Variants in ZNF653 observed in about 807,000 individuals in gnomAD.
ZNF653 encodes 67 kDa zinc finger protein.
ZNF653 carries 37 observed loss-of-function variants against 59.9 expected under a neutral mutation model. That is an observed-to-expected ratio of 0.62 (90% CI 0.48 to 0.81). The LOEUF (loss-of-function observed/expected upper bound fraction) is 0.81. ZNF653 is among the 40% of genes least tolerant of loss of function. The pLI, the probability that ZNF653 is intolerant of heterozygous loss-of-function variation, is 0.00. For synonymous variants in ZNF653, 435 were observed against 371.8 expected (o/e 1.17, Z -1.96); for missense variants, 808 against 881.1 (o/e 0.92, Z 1.05).
intron 7 of ZNF653, 124 bp downstream of exon 7, chr19:11,485,532 C>T (rs1971456451): frequency 1.5e-6 from 1 of 687,550 alleles, no homozygotes; most frequent in Admixed American, 2.4e-5. Flanking sequence ...GAGGAGGCTC[C>T]TAGGGGTGTA....
intron 6 of ZNF653, 106 bp from the exon 7 acceptor site, chr19:11,485,876 C>A (rs1365557923): frequency 4.8e-6 from 4 of 834,846 alleles, no homozygotes; most frequent in Non-Finnish European, 8.2e-6. Context: ...CTGGCCTCCC[C>A]AGGAGGAGGG....
Position 11,505,718 on chromosome 19 carries a change from T to G in ZNF653, c.69A>C (p.Ala23=). 2.0e-6 allele frequency: 3 copies of G among 1,475,496 alleles called. No individual in the cohort carries two copies. The highest frequency in any genetic ancestry group is 2.5e-5 in the Admixed American group (1 of 40,394). 91.4% of individuals were successfully genotyped at this position (1,475,496 alleles called of 1,614,324 possible). A position where few individuals can be genotyped will look rare whatever the true frequency, so the allele number is the denominator to read the frequency against. ...TTCGGCCCGCTGCGCCCTCCTCGGC[T>G]GCTGCCTCCCCGCCCGCGCCCGCCT... The part of the protein sequence containing the change: ...EAEAGAGGEA[A]AEEGAAGRKA... The change falls in exon 1 of 9, where the codon GCA becomes GCC. Residue 23 remains alanine (A), a synonymous_variant. Transcript: ENST00000293771.
chr19:11,505,380 G>C (rs748550099), intron 1 of ZNF653, 108 bp downstream of exon 1: 20 of 1,182,128 alleles, frequency 1.7e-5, no homozygotes, highest in Non-Finnish European at 2.2e-5. Context: ...TCCTGGGCGG[G>C]GTCCGCAGGT....
rs1164123862 is a variant in ZNF653, at chr19:11,505,753, CCTCCGCCTCGGGCTCTAGCGCCCG to C, written c.10_33del (p.Arg4_Glu11del). ...CCGCCCGCGCCCGCCTCAGCCTCCG[CCTCCGCCTCGGGCTCTAGCGCCCG>C]CTCCGCCATCCCCCCCACCCTGGTT... On this transcript the variant is annotated inframe_deletion, in exon 1 of 9. Coordinates refer to ENST00000293771, the MANE Select transcript of ZNF653 (RefSeq NM_138783.4). 7.0e-7 allele frequency: 1 copy of C among 1,437,838 alleles called. No homozygotes were observed. The highest frequency in any genetic ancestry group is 9.0e-7 in the Non-Finnish European group (1 of 1,105,908). 89.1% of individuals were successfully genotyped at this position (1,437,838 alleles called of 1,614,324 possible). A position where few individuals can be genotyped will look rare whatever the true frequency, so the allele number is the denominator to read the frequency against.
At chr19:11,492,339 A>G (rs181880955) in intron 3 of ZNF653, among the ~76,000 whole-genome samples, 74 of 152,176 alleles carry the variant, frequency 4.9e-4, no homozygotes, top group African/African-American at 1.8e-3. Context: ...CACCACGCCC[A>G]GCCTGTATTT....
At chr19:11,498,545 G>A (rs1021776216) in intron 1 of ZNF653, among the ~76,000 whole-genome samples, 1 of 152,138 alleles carries the variant, frequency 6.6e-6, no homozygotes, top group African/African-American at 2.4e-5. Flanking sequence ...CCAGGTTCCA[G>A]CGATTCTCCT....
intron 3 of ZNF653, among the ~76,000 whole-genome samples, chr19:11,493,426 C>A (rs1408625826): frequency 6.6e-6 from 1 of 152,118 alleles, no homozygotes; most frequent in Non-Finnish European, 1.5e-5. Context: ...AAAGTATGTA[C>A]CCTGTAAGTT....
chr19:11,503,142 G>A (rs902769525), intron 1 of ZNF653, among the ~76,000 whole-genome samples: 1 of 152,242 alleles, frequency 6.6e-6, no homozygotes, highest in East Asian at 1.9e-4. Flanking sequence ...CTCACTGGGA[G>A]GAAAAACTGG....
At chr19:11,486,731 G>C (rs1971469282) in intron 6 of ZNF653, 38 bp downstream of exon 6, 1 of 1,540,468 alleles carries the variant, frequency 6.5e-7, no homozygotes, top group African/African-American at 1.4e-5. Context: ...CCTGGGCCTT[G>C]TGGGCCTGGC....
In ZNF653 at chr19:11,487,397, A is replaced by G; in HGVS notation, c.1066T>C (p.Cys356Arg). 1 of 1,612,476 alleles carries G rather than the reference A, an allele frequency of 6.2e-7. No homozygotes were observed. The highest frequency in any genetic ancestry group is 8.5e-7 in the Non-Finnish European group (1 of 1,179,912). ...PGSGLGEEVP[C>R]AMMEGVAAYT... The stretch of plus-strand genomic sequence containing the variant: ...GCTGCCACACCCTCCATCATGGCAC[A>G]GGGCACCTCCTCGCCCAGTCCACTG... The change falls in exon 4 of 9, where the codon TGT (cysteine) becomes CGT (arginine). Residue 356 changes from cysteine (C) to arginine (R), a missense_variant. Coordinates refer to ENST00000293771, the MANE Select transcript of ZNF653 (RefSeq NM_138783.4). The surrounding 1 kb of genome is among the most constrained non-coding windows in gnomAD (Gnocchi z 5.1).
chr19:11,485,295 G>C (rs1971454107), intron 7 of ZNF653, among the ~76,000 whole-genome samples: 4 of 151,924 alleles, frequency 2.6e-5, no homozygotes, highest in Admixed American at 2.6e-4. Context: ...GCTTGGGTGG[G>C]CACTGGTCTA....
chr19:11,487,418 C>G lies in ZNF653; in HGVS notation c.1045G>C (p.Gly349Arg). The G allele has an allele frequency of 1.2e-6, 2 of 1,612,250 alleles. No individual in the cohort carries two copies. Among genetic ancestry groups the G allele is most frequent in the Non-Finnish European group, 1.7e-6 (2 of 1,179,928 alleles). The change falls in exon 4 of 9, where the codon GGA becomes CGA. Residue 349 changes from glycine to arginine, a missense_variant. Transcript: ENST00000293771. The surrounding 1 kb of genome is among the most constrained non-coding windows in gnomAD (Gnocchi z 5.1). ...GCACAGGGCACCTCCTCGCCCAGTCCACTGCCGGGGACACCGCTGCCTGCT... is the reference window on the plus strand; with the variant it reads ...GCACAGGGCACCTCCTCGCCCAGTCGACTGCCGGGGACACCGCTGCCTGCT... Reference protein sequence around the residue: ...MAAGSGVPGSGLGEEVPCAMM... With the variant: ...MAAGSGVPGSRLGEEVPCAMM...
chr19:11,494,822 A>G (rs1451178886), intron 3 of ZNF653, among the ~76,000 whole-genome samples: 2 of 152,238 alleles, frequency 1.3e-5, no homozygotes, highest in African/African-American at 4.8e-5. Flanking sequence ...GGGGCTTGGG[A>G]TTCCTTGACT....
At position 11,505,605 on chromosome 19, in the gene ZNF653, T is replaced by G; in HGVS notation, c.182A>C (p.Tyr61Ser). 1 of 1,505,934 alleles carries G rather than the reference T, an allele frequency of 6.6e-7. No homozygotes were observed. Among genetic ancestry groups the G allele is most frequent in the Non-Finnish European group, 8.8e-7 (1 of 1,134,738 alleles). 93.3% of individuals were successfully genotyped at this position (1,505,934 alleles called of 1,614,324 possible). ...CCAGGGCCCGTGCGCCTCGCCCAGG[T>G]ACACGCGCCGCACGTCGTACTTCTT... ...SRKKYDVRRV[Y>S]LGEAHGPWVD... Residue 61 changes from tyrosine to serine, a missense_variant, in exon 1 of 9, where the codon TAC (tyrosine) becomes TCC (serine). Transcript: ENST00000293771.
In ZNF653 at chr19:11,483,636, G is replaced by A. The variant is rs767302293; in HGVS notation, c.*46C>T. 2.1e-5 allele frequency: 34 copies of A among 1,590,116 alleles called. No individual in the cohort carries two copies. The Admixed American group carries it at 5.2e-4, about 25-fold the overall frequency. On this transcript the variant is annotated 3_prime_UTR_variant, in exon 9 of 9. Transcript: ENST00000293771. ...CCAGGCCCCGGCAAGCCCGGGCGTG[G>A]TGTCCGAGCGGACGAATAAATAGGG...
chr19:11,488,924 G>T (rs1445217085), intron 3 of ZNF653, among the ~76,000 whole-genome samples: 1 of 150,590 alleles, frequency 6.6e-6, no homozygotes, highest in Non-Finnish European at 1.5e-5. Context: ...TTTTGAGACA[G>T]AGTTTCGTTC....
intron 1 of ZNF653, among the ~76,000 whole-genome samples, chr19:11,500,008 G>A (rs748698875): frequency 6.6e-6 from 1 of 152,256 alleles, no homozygotes; most frequent in Admixed American, 6.5e-5. Context: ...TACAATGATC[G>A]TTATGATTAT....
In ZNF653 at chr19:11,505,576, CCACCCAGGGCCCGTGCGCCT is replaced by C; in HGVS notation, c.191_210del (p.Glu64GlyfsTer113). ...CTCCAGCCGCTGCGGCGCCGCAGGT[CCACCCAGGGCCCGTGCGCCT>C]CGCCCAGGTACACGCGCCGCACGTC... is the stretch of plus-strand genomic sequence containing the variant. On this transcript the variant is annotated frameshift_variant, in exon 1 of 9. Coordinates refer to ENST00000293771, the MANE Select transcript of ZNF653 (RefSeq NM_138783.4). LOFTEE classifies it high-confidence loss of function. 1 of 1,511,364 alleles carries C rather than the reference CCACCCAGGGCCCGTGCGCCT, an allele frequency of 6.6e-7. No homozygotes were observed. Among genetic ancestry groups the C allele is most frequent in the Non-Finnish European group, 8.8e-7 (1 of 1,138,916 alleles). 93.6% of individuals were successfully genotyped at this position (1,511,364 alleles called of 1,614,324 possible).
intron 2 of ZNF653, among the ~76,000 whole-genome samples, chr19:11,496,996 G>A (rs1232202343): frequency 6.6e-6 from 1 of 152,222 alleles, no homozygotes; most frequent in African/African-American, 2.4e-5. Context: ...CCTGGAGCGG[G>A]CTAGGTGTGG....
Sources: allele counts gnomAD v4.1 joint callset (sites outside exome capture counted in the v4.1 genomes callset), GRCh38; gene constraint gnomAD v4.1.1; non-coding constraint Gnocchi (gnomAD v3.1); transcripts MANE v1.5; gene names NCBI Gene and HGNC (gene_info 2026-07-23, HGNC 2026-07-21).